OR8B8: variants seen among roughly 807,000 people sequenced by gnomAD.
OR8B8 encodes the protein olfactory receptor 8B8.
A neutral mutation model predicts 10.5 loss-of-function variants in OR8B8; 8 were observed. The ratio of observed to expected loss-of-function variants is 0.76; its 90% confidence interval spans 0.45 to 1.38. The LOEUF (loss-of-function observed/expected upper bound fraction) is 1.38, where lower values mean the gene tolerates loss of function less well. Among genes scored for constraint, OR8B8 ranks in the 40% most tolerant of loss-of-function variants. OR8B8 has a pLI of 0.00. For synonymous variants in OR8B8, 150 were observed against 145.2 expected, an observed-to-expected ratio of 1.03 and a Z score of -0.24; for missense variants, 390 against 380.5, an observed-to-expected ratio of 1.03 and a Z score of -0.21.
rs1861431698 is a variant in OR8B8 at position 124,438,855 on chromosome 11, G to A, written c.*1295C>T. 6.6e-6 allele frequency: 1 copy of A among 152,244 alleles called. No individual in the cohort carries two copies. The allele number at this position is 152,244 out of a possible 1,614,324, so 9.4% of individuals were successfully genotyped here. A position where few individuals can be genotyped will look rare whatever the true frequency, so the allele number is the denominator to read the frequency against. ...ATTCAGTTACTGCCACTGTTGCCCA[G>A]CTAGGAGGAAGTCAGGGAAATAAAT... On this transcript the variant is annotated 3_prime_UTR_variant, in exon 3 of 3. Transcript: ENST00000642064.
intron 1 of OR8B8, among the ~76,000 whole-genome samples, chr11:124,443,111 C>A (rs1242400167): frequency 4.2e-5 from 2 of 47,644 alleles, no homozygotes; most frequent in African/African-American, 2.3e-4. Context: ...ATCTACCCTA[C>A]GTTTTCTAGA....
rs1414265476 is a variant in OR8B8, at chr11:124,439,063, T to C, written c.*1087A>G. The stretch of plus-strand genomic sequence containing the variant: ...TGCAAAAAGTACCCCACATGGTTTC[T>C]GCTGCATGCAGCATTATACCATTCA... On this transcript the variant is annotated 3_prime_UTR_variant, in exon 3 of 3. Coordinates refer to ENST00000642064, the MANE Select transcript of OR8B8 (RefSeq NM_012378.2). 6.6e-6 allele frequency: 1 copy of C among 152,272 alleles called. No homozygotes were observed. The highest frequency in any genetic ancestry group is 6.5e-5 in the Admixed American group (1 of 15,290). 9.4% of individuals were successfully genotyped at this position (152,272 alleles called of 1,614,324 possible). A position where few individuals can be genotyped will look rare whatever the true frequency, so the allele number is the denominator to read the frequency against.
At chr11:124,442,111 C>A (rs149283672) in intron 1 of OR8B8, among the ~76,000 whole-genome samples, 270 of 152,242 alleles carry the variant, frequency 1.8e-3, no homozygotes, top group African/African-American at 3.8e-3. Flanking sequence ...GATCCAATAC[C>A]ATTTTTCATA....
In OR8B8 at chr11:124,440,683, T is replaced by G; in HGVS notation, c.403A>C (p.Thr135Pro). ...AICNPLLYMV[T>P]MSPQVCFLLL... ...AGAAAACACACCTGGGGAGACATGG[T>G]GACCATGTACAACAGTGGGTTACAG... Residue 135 changes from threonine (T) to proline (P), a missense_variant, in exon 3 of 3, where the codon ACC becomes CCC. Coordinates refer to ENST00000642064, the MANE Select transcript of OR8B8 (RefSeq NM_012378.2). 6.2e-7 allele frequency: 1 copy of G among 1,614,094 alleles called. No individual in the cohort carries two copies. Among genetic ancestry groups the G allele is most frequent in the Non-Finnish European group, 8.5e-7 (1 of 1,180,014 alleles).
Position 124,440,374 on chromosome 11 carries a change from A to C in OR8B8, c.712T>G (p.Phe238Val). The C allele has an allele frequency of 6.2e-7, 1 of 1,614,196 alleles. No individual in the cohort carries two copies. Among genetic ancestry groups the C allele is most frequent in the Non-Finnish European group, 8.5e-7 (1 of 1,180,020 alleles). Reference sequence around the variant, plus strand: ...ATTATGTGGGAGCTGCAGGTGCTGAAGGCTTTGGACCTGCCCTCCGTGGAA... The same window carrying C: ...ATTATGTGGGAGCTGCAGGTGCTGACGGCTTTGGACCTGCCCTCCGTGGAA... ...IDSTEGRSKAFSTCSSHIIAV... is the reference protein window; with the variant it reads ...IDSTEGRSKAVSTCSSHIIAV... The change falls in exon 3 of 3, where the codon TTC becomes GTC. Residue 238 changes from phenylalanine to valine, a missense_variant. Transcript: ENST00000642064.
chr11:124,442,518 T>C (rs1342542681), intron 1 of OR8B8, among the ~76,000 whole-genome samples: 2 of 152,210 alleles, frequency 1.3e-5, no homozygotes, highest in Non-Finnish European at 2.9e-5. Context: ...CAATCTGTCT[T>C]TTCTTGGAAT....
intron 1 of OR8B8, among the ~76,000 whole-genome samples, chr11:124,443,606 C>T (rs1861498221): frequency 6.6e-6 from 1 of 152,230 alleles, no homozygotes; most frequent in Non-Finnish European, 1.5e-5. Flanking sequence ...TGACAAGTCA[C>T]ATAACGCTGG....
chr11:124,445,460 C>T (rs1339729343), intron 1 of OR8B8, 116 bp downstream of exon 1: 2 of 152,252 alleles, frequency 1.3e-5, no homozygotes, highest in East Asian at 3.9e-4. Flanking sequence ...GCTGTCTGAC[C>T]TCCATGCAGC....
At chr11:124,442,386 T>A (rs371943509) in intron 1 of OR8B8, among the ~76,000 whole-genome samples, 2 of 152,218 alleles carry the variant, frequency 1.3e-5, no homozygotes, top group Non-Finnish European at 2.9e-5. Flanking sequence ...AGCAAAAGCA[T>A]GTGATAAGAT....
chr11:124,444,698 A>C (rs975614142), intron 1 of OR8B8, among the ~76,000 whole-genome samples: 7 of 152,220 alleles, frequency 4.6e-5, no homozygotes, highest in African/African-American at 1.7e-4. Context: ...TAAATCATGA[A>C]AGTGGAAGAG....
chr11:124,438,519 G>T lies in OR8B8; in HGVS notation c.*1631C>A, dbSNP rs1222307490. The T allele has an allele frequency of 6.6e-6, 1 of 152,126 alleles. No individual in the cohort carries two copies. Among genetic ancestry groups the T allele is most frequent in the Non-Finnish European group, 1.5e-5 (1 of 68,010 alleles). 9.4% of individuals were successfully genotyped at this position (152,126 alleles called of 1,614,324 possible). Reference sequence around the variant, plus strand: ...ATTTATAATCTTTTTAAACTGAAAAGCTACTCTACCTTCCTTTATACAGTA... The same window carrying T: ...ATTTATAATCTTTTTAAACTGAAAATCTACTCTACCTTCCTTTATACAGTA... On this transcript the variant is annotated 3_prime_UTR_variant, in exon 3 of 3. Coordinates refer to ENST00000642064, the MANE Select transcript of OR8B8 (RefSeq NM_012378.2).
chr11:124,440,233 G>A lies in OR8B8; in HGVS notation c.853C>T (p.Leu285Phe), dbSNP rs1334898814. 1 of 1,614,166 alleles carries A rather than the reference G, an allele frequency of 6.2e-7. No homozygotes were observed. The highest frequency in any genetic ancestry group is 8.5e-7 in the Non-Finnish European group (1 of 1,180,038). The change falls in exon 3 of 3, where the codon CTC (leucine) becomes TTC (phenylalanine). Residue 285 changes from leucine to phenylalanine, a missense_variant. Leu to Phe is a conservative substitution (Grantham distance 22, BLOSUM62 0). Coordinates refer to ENST00000642064, the MANE Select transcript of OR8B8 (RefSeq NM_012378.2). ...SLFYTTVVPM[L>F]NPLIYSLRNK... ...CTCAGGCTATAAATTAATGGGTTGA[G>A]CATGGGCACCACAGTGGTATAGAAT...
In OR8B8 at chr11:124,439,345, C is replaced by A. The variant is rs1379930488; in HGVS notation, c.*805G>T. 1 of 152,442 alleles carries A rather than the reference C, an allele frequency of 6.6e-6. No homozygotes were observed. Among genetic ancestry groups the A allele is most frequent in the South Asian group, 2.1e-4 (1 of 4,822 alleles). The allele number at this position is 152,442 out of a possible 1,614,324, so 9.4% of individuals were successfully genotyped here. A position where few individuals can be genotyped will look rare whatever the true frequency, so the allele number is the denominator to read the frequency against. On this transcript the variant is annotated 3_prime_UTR_variant, in exon 3 of 3. Transcript: ENST00000642064. ...CCTCCTGGGTTCAAGCGATTTTCCTCCCTCAGTCTCCTGAGTAGCTGAGAG... is the reference window on the plus strand; with the variant it reads ...CCTCCTGGGTTCAAGCGATTTTCCTACCTCAGTCTCCTGAGTAGCTGAGAG...
rs1039932515 is a variant in OR8B8, at chr11:124,438,144, A to G, written c.*2006T>C. ...GATGAAGAAATTGATGTTCAGAGAC[A>G]TCATGTAATGCTAAAGGCAACACAG... On this transcript the variant is annotated 3_prime_UTR_variant, in exon 3 of 3. Coordinates refer to ENST00000642064, the MANE Select transcript of OR8B8 (RefSeq NM_012378.2). 5 of 152,206 alleles carry G rather than the reference A, an allele frequency of 3.3e-5. No homozygotes were observed. Among genetic ancestry groups the G allele is most frequent in the African/African-American group, 1.2e-4 (5 of 41,466 alleles). 9.4% of individuals were successfully genotyped at this position (152,206 alleles called of 1,614,324 possible). A position where few individuals can be genotyped will look rare whatever the true frequency, so the allele number is the denominator to read the frequency against.
intron 2 of OR8B8, 23 bp downstream of exon 2, chr11:124,441,465 T>G: frequency 5.1e-6 from 1 of 195,640 alleles, no homozygotes; most frequent in African/African-American, 2.4e-5. Flanking sequence ...AAGGGTAGAG[T>G]GGACTTCCCA....
At position 124,440,115 on chromosome 11, in the gene OR8B8, G is replaced by T; in HGVS notation, c.*35C>A. Reference sequence around the variant, plus strand: ...AGTGGAGTCCAAATCACTTATGGGAGAAACAGTGTTTCTTTCCTGAGCATT... The same window carrying T: ...AGTGGAGTCCAAATCACTTATGGGATAAACAGTGTTTCTTTCCTGAGCATT... On this transcript the variant is annotated 3_prime_UTR_variant, in exon 3 of 3. Transcript: ENST00000642064. The T allele has an allele frequency of 6.5e-7, 1 of 1,534,086 alleles. No individual in the cohort carries two copies. Among genetic ancestry groups the T allele is most frequent in the Non-Finnish European group, 8.9e-7 (1 of 1,121,568 alleles).
rs1433710022 is a variant in OR8B8 at position 124,437,805 on chromosome 11, C to T, written c.*2345G>A. ...TAATCACCTCCCAAAGACCCCACCT[C>T]CTTTCAACATCCGTCATTTCAAAAT... On this transcript the variant is annotated 3_prime_UTR_variant, in exon 3 of 3. Coordinates refer to ENST00000642064, the MANE Select transcript of OR8B8 (RefSeq NM_012378.2). 6.6e-6 allele frequency: 1 copy of T among 152,146 alleles called. No homozygotes were observed. Among genetic ancestry groups the T allele is most frequent in the Non-Finnish European group, 1.5e-5 (1 of 68,058 alleles). The allele number at this position is 152,146 out of a possible 1,614,324, so 9.4% of individuals were successfully genotyped here.
Position 124,438,208 on chromosome 11 carries a change from C to A in OR8B8, c.*1942G>T, listed in dbSNP as rs1861425566. The A allele has an allele frequency of 2.0e-5, 3 of 152,286 alleles. No individual in the cohort carries two copies. The South Asian group carries it at 6.2e-4, about 32-fold the overall frequency. 9.4% of individuals were successfully genotyped at this position (152,286 alleles called of 1,614,324 possible). On this transcript the variant is annotated 3_prime_UTR_variant, in exon 3 of 3. Transcript: ENST00000642064. ...CAGGTTCAAATTTGATTCTACCATC[C>A]AACTCTCTGGGCTCTGCTCTTTTTG...
Position 124,441,588 on chromosome 11 carries a change from C to T in OR8B8, c.-117G>A, listed in dbSNP as rs893438810. On this transcript the variant is annotated 5_prime_UTR_variant, in exon 2 of 3. Transcript: ENST00000642064. The stretch of plus-strand genomic sequence containing the variant: ...CAGTGATGTGCCTTTAGGTCCAGCT[C>T]TTATCTTCACTTGTTCAGACAGATT... 6.2e-6 allele frequency: 1 copy of T among 160,306 alleles called. No homozygotes were observed. The highest frequency in any genetic ancestry group is 1.4e-5 in the Non-Finnish European group (1 of 72,114). The allele number at this position is 160,306 out of a possible 1,614,324, so 9.9% of individuals were successfully genotyped here.
Sources: allele counts gnomAD v4.1 joint callset (sites outside exome capture counted in the v4.1 genomes callset), GRCh38; gene constraint gnomAD v4.1.1; transcripts MANE v1.5; gene names NCBI Gene and HGNC (gene_info 2026-07-23, HGNC 2026-07-21).